CCDC88A: variants seen among roughly 807,000 people sequenced by gnomAD.
CCDC88A encodes the protein girdin.
CCDC88A carries 54 observed loss-of-function variants against 234.3 expected under a neutral mutation model. The observed-to-expected ratio is 0.23, with a 90% CI of 0.19 to 0.29. CCDC88A has a LOEUF of 0.29. Among genes scored for constraint, CCDC88A ranks in the 10% least tolerant of loss-of-function variants. The pLI, the probability that CCDC88A is intolerant of heterozygous loss-of-function variation, is 1.00. For synonymous variants in CCDC88A, 753 were observed against 737.8 expected (o/e 1.02, Z -0.33); for missense variants, 1,832 against 2,123.4 (o/e 0.86, Z 2.70).
chr2:55,406,068 G>C (rs1044467943), intron 2 of CCDC88A: 1 of 151,726 alleles, frequency 6.6e-6, no homozygotes, highest in Admixed American at 6.6e-5. Context: ...TGAGGCAGGA[G>C]AATTGCTTGA....
At chr2:55,327,206 A>C (rs1056095320) in intron 17 of CCDC88A, among the ~76,000 whole-genome samples, 7 of 152,224 alleles carry the variant, frequency 4.6e-5, no homozygotes, top group African/African-American at 1.7e-4. Flanking sequence ...TAATGGTGTC[A>C]GCAAATAGTG....
chr2:55,384,179 C>T (rs933823987), intron 3 of CCDC88A, among the ~76,000 whole-genome samples: 4 of 151,496 alleles, frequency 2.6e-5, no homozygotes, highest in Non-Finnish European at 4.4e-5. Flanking sequence ...GACCTTGTTT[C>T]AATCAATCAA....
chr2:55,367,525 C>CTTTTTTTTTTTTTTTTTTTTTTT (rs1262914627), intron 5 of CCDC88A, among the ~76,000 whole-genome samples: 1 of 33,602 alleles, frequency 3.0e-5, no homozygotes, highest in Non-Finnish European at 5.0e-5. Context: ...GTTTTATTTC[C>CTTTTTTTTTTTTTTTTTTTTTTT]TTGTTTTTTT....
intron 17 of CCDC88A, chr2:55,323,700 C>T (rs1406071814): frequency 1.3e-5 from 2 of 151,828 alleles, no homozygotes; most frequent in African/African-American, 4.8e-5. Context: ...GAGAATAAAA[C>T]TCGAATCCTT....
chr2:55,345,196 T>C (rs2576688), intron 10 of CCDC88A, among the ~76,000 whole-genome samples: 11,967 of 152,200 alleles, frequency 0.079, 717 homozygotes, highest in East Asian at 0.31. Flanking sequence ...TGGCAAATAA[T>C]TAATATGTAC....
intron 25 of CCDC88A, chr2:55,306,311 G>A (rs1681561832): frequency 6.6e-6 from 1 of 152,112 alleles, no homozygotes; most frequent in African/African-American, 2.4e-5. Context: ...TTGATGACCT[G>A]TCTAAAACAG....
At chr2:55,398,120 T>C (rs1286290850) in intron 2 of CCDC88A, among the ~76,000 whole-genome samples, 1 of 152,168 alleles carries the variant, frequency 6.6e-6, no homozygotes, top group Non-Finnish European at 1.5e-5. Flanking sequence ...ATTTTTTATA[T>C]CCCTTCACAA....
At chr2:55,347,121 TATAG>T (rs1309516168) in intron 9 of CCDC88A, among the ~76,000 whole-genome samples, 3 of 152,216 alleles carry the variant, frequency 2.0e-5, no homozygotes, top group Non-Finnish European at 2.9e-5. Flanking sequence ...GTAAAGTTTC[TATAG>T]ATATGTTGTG....
rs766648608 is a variant in CCDC88A at position 55,388,905 on chromosome 2, T to A, written c.165-19A>T. ...AGGATTACTGTAAGAAATACAAAAA[T>A]ACTTTAAAATTACATAAAATACTAC... On this transcript the variant is annotated intron_variant, in intron 2 of 32. Coordinates refer to ENST00000436346, the MANE Select transcript of CCDC88A (RefSeq NM_001365480.1). 1.1e-6 allele frequency: 1 copy of A among 875,688 alleles called. No homozygotes were observed. 54.2% of individuals were successfully genotyped at this position (875,688 alleles called of 1,614,324 possible).
intron 2 of CCDC88A, among the ~76,000 whole-genome samples, chr2:55,396,813 T>A (rs1464568691): frequency 7.7e-6 from 1 of 130,342 alleles, no homozygotes; most frequent in Non-Finnish European, 1.5e-5. Context: ...GAGTTTGCAG[T>A]GAGCCGAGAT....
intron 2 of CCDC88A, among the ~76,000 whole-genome samples, chr2:55,391,392 A>T (rs1465272854): frequency 1.3e-5 from 2 of 152,202 alleles, no homozygotes; most frequent in Non-Finnish European, 2.9e-5. Flanking sequence ...AGCATAAAAT[A>T]AAAAAATTAA....
In CCDC88A at chr2:55,332,952, G is replaced by A. The variant is rs1174821650; in HGVS notation, c.2728-259C>T. ...TCTTTACTTGTGAATACACATTTAG[G>A]TTTGAAAACTGGGGAAAATCATATC... On this transcript the variant is annotated intron_variant, in intron 15 of 32. Coordinates refer to ENST00000436346, the MANE Select transcript of CCDC88A (RefSeq NM_001365480.1). The surrounding 1 kb of genome is among the most constrained non-coding windows in gnomAD (Gnocchi z 4.5). Among the ~76,000 whole-genome samples, 5 of 152,052 alleles carry A rather than the reference G, an allele frequency of 3.3e-5. No individual in the cohort carries two copies. Among genetic ancestry groups the A allele is most frequent in the Admixed American group, 3.3e-4 (5 of 15,276 alleles).
At chr2:55,319,882 G>C (rs1238489386) in intron 18 of CCDC88A, among the ~76,000 whole-genome samples, 2 of 152,004 alleles carry the variant, frequency 1.3e-5, no homozygotes, top group African/African-American at 2.4e-5. Context: ...GGTCATAATT[G>C]GTCTACCCTG....
chr2:55,385,807 T>G (rs1675482597), intron 3 of CCDC88A, among the ~76,000 whole-genome samples: 1 of 115,514 alleles, frequency 8.7e-6, no homozygotes, highest in Non-Finnish European at 1.6e-5. Context: ...GAGCTGAAAT[T>G]GCACCATTGC....
At chr2:55,407,668 C>A (rs1338880833) in intron 2 of CCDC88A, among the ~76,000 whole-genome samples, 1 of 151,394 alleles carries the variant, frequency 6.6e-6, no homozygotes, top group Non-Finnish European at 1.5e-5. Flanking sequence ...TTTTTCCTTC[C>A]CCACTATTAC....
Position 55,328,444 on chromosome 2 carries a change from G to A in CCDC88A, c.2856-9C>T. 3 of 1,524,634 alleles carry A rather than the reference G, an allele frequency of 2.0e-6. No homozygotes were observed. In the East Asian group the frequency reaches 7.0e-5, roughly 35 times the overall value. The allele number at this position is 1,524,634 out of a possible 1,614,324, so 94.4% of individuals were successfully genotyped here. ...CCAAAAGTTTATACCTACTATCCAA[G>A]TACAAAGTAATGTAGTTCATTATTG... On this transcript the variant is annotated splice_polypyrimidine_tract_variant and intron_variant, in intron 16 of 32. Transcript: ENST00000436346. This position sits in a 1 kb window ranked among gnomAD's most constrained non-coding sequence, Gnocchi z 4.3.
chr2:55,288,309 A>C lies in CCDC88A; in HGVS notation c.*2891T>G, dbSNP rs1326662039. The stretch of plus-strand genomic sequence containing the variant: ...ATATTATAAAATGGGCTCCTTTTGT[A>C]TTCATTCAAGACTTAAAGAAAAAAT... On this transcript the variant is annotated 3_prime_UTR_variant, in exon 33 of 33. Coordinates refer to ENST00000436346, the MANE Select transcript of CCDC88A (RefSeq NM_001365480.1). 2 of 152,732 alleles carry C rather than the reference A, an allele frequency of 1.3e-5. No homozygotes were observed. The highest frequency in any genetic ancestry group is 4.1e-4 in the South Asian group (2 of 4,828). 9.5% of individuals were successfully genotyped at this position (152,732 alleles called of 1,614,324 possible). A position where few individuals can be genotyped will look rare whatever the true frequency, so the allele number is the denominator to read the frequency against.
intron 2 of CCDC88A, among the ~76,000 whole-genome samples, chr2:55,397,963 A>C (rs973374078): frequency 6.6e-6 from 1 of 152,174 alleles, no homozygotes; most frequent in Non-Finnish European, 1.5e-5. Flanking sequence ...GGAAGGAATT[A>C]TATAGTTATA....
intron 25 of CCDC88A, among the ~76,000 whole-genome samples, chr2:55,307,795 C>CT (rs145571933): frequency 0.089 from 13,363 of 150,776 alleles, 1,398 homozygotes; most frequent in African/African-American, 0.25. Flanking sequence ...CCCCACATCT[C>CT]TATTTTATTT....
Sources: allele counts gnomAD v4.1 joint callset (sites outside exome capture counted in the v4.1 genomes callset), GRCh38; gene constraint gnomAD v4.1.1; non-coding constraint Gnocchi (gnomAD v3.1); transcripts MANE v1.5; gene names NCBI Gene and HGNC (gene_info 2026-07-23, HGNC 2026-07-21).